Variants in RFWD3 observed in about 807,000 individuals in gnomAD.
RFWD3 encodes ring finger and WD repeat domain 3.
In RFWD3, 65 loss-of-function variants were observed where a neutral mutation model predicts 87.7. That is an observed-to-expected ratio of 0.74 (90% CI 0.61 to 0.91). The LOEUF (loss-of-function observed/expected upper bound fraction) is 0.91, where lower values mean the gene tolerates loss of function less well. Ranked by LOEUF, RFWD3 falls within the 40% of genes least tolerant of loss-of-function variation. The probability of loss-of-function intolerance (pLI) is 0.00; values close to 1 mark genes in which losing one functional copy is unlikely to be tolerated. For missense variants in RFWD3, 1,078 were observed against 938.5 expected, an observed-to-expected ratio of 1.15 and a Z score of -1.94; for synonymous variants, 433 against 352.8, an observed-to-expected ratio of 1.23 and a Z score of -2.55.
At position 74,624,006 on chromosome 16, in the gene RFWD3, G is replaced by A. The variant is rs374299152; in HGVS notation, c.2247C>T (p.Ile749=). ...DLQTDQPVLD[I]CPFEVNRNSY... ...TGTTACGGTTCACCTCAAATGGGCA[G>A]ATGTCCAACACAGGCTGATCGGTCT... The change falls in exon 13 of 13, where the codon ATC becomes ATT. Residue 749 remains isoleucine, a synonymous_variant. Transcript: ENST00000361070. The A allele has an allele frequency of 1.2e-5, 19 of 1,614,148 alleles. 2 individuals carry two copies. Among genetic ancestry groups the A allele is most frequent in the East Asian group, 2.2e-5 (1 of 44,876 alleles).
Position 74,623,780 on chromosome 16 carries a change from T to G in RFWD3, c.*148A>C. 3 of 759,700 alleles carry G rather than the reference T, an allele frequency of 3.9e-6. No individual in the cohort carries two copies. The highest frequency in any genetic ancestry group is 6.4e-6 in the Non-Finnish European group (3 of 470,184). The allele number at this position is 759,700 out of a possible 1,614,324, so 47.1% of individuals were successfully genotyped here. On this transcript the variant is annotated 3_prime_UTR_variant, in exon 13 of 13. Transcript: ENST00000361070. ...CACAATCTGTAGTGTCTCAGTGACC[T>G]AGGGTCCTAGAATCATACTAATGCA...
intron 12 of RFWD3, 113 bp from the exon 13 acceptor site, chr16:74,624,184 G>T: frequency 7.9e-7 from 1 of 1,260,632 alleles, no homozygotes; most frequent in Non-Finnish European, 1.1e-6. Flanking sequence ...TACCTGGAGA[G>T]CAAAGCAGGC....
chr16:74,624,440 G>A (rs1958861524), intron 12 of RFWD3, among the ~76,000 whole-genome samples: 1 of 152,136 alleles, frequency 6.6e-6, no homozygotes, highest in Non-Finnish European at 1.5e-5. Flanking sequence ...TTGTCACCCA[G>A]GCTGCAGTGC....
At chr16:74,637,353 T>G (rs993807471) in intron 7 of RFWD3, among the ~76,000 whole-genome samples, 4 of 152,134 alleles carry the variant, frequency 2.6e-5, no homozygotes, top group African/African-American at 9.7e-5. Flanking sequence ...TAAGGCCAGG[T>G]GCAGTGCTCA....
intron 3 of RFWD3, among the ~76,000 whole-genome samples, chr16:74,651,417 T>C (rs1406567542): frequency 2.6e-5 from 4 of 152,106 alleles, no homozygotes; most frequent in Admixed American, 1.3e-4. Context: ...CAGGAGTTTA[T>C]GACCAGCCGG....
intron 6 of RFWD3, among the ~76,000 whole-genome samples, chr16:74,638,774 A>C (rs1490842350): frequency 6.6e-6 from 1 of 152,232 alleles, no homozygotes; most frequent in Non-Finnish European, 1.5e-5. Context: ...TTTTAACAGC[A>C]ATCTAGAAAT....
Position 74,661,164 on chromosome 16 carries a change from G to C in RFWD3, c.286C>G (p.Pro96Ala). 2.5e-6 allele frequency: 4 copies of C among 1,614,206 alleles called. No homozygotes were observed. Among genetic ancestry groups the C allele is most frequent in the Non-Finnish European group, 3.4e-6 (4 of 1,180,046 alleles). Residue 96 changes from proline (P) to alanine (A), a missense_variant, in exon 2 of 13, where the codon CCA becomes GCA. Transcript: ENST00000361070. ...LGEDTVENIN[P>A]RTSEQHRQGS... is the part of the protein sequence containing the mutation. ...TGCCTATGTTGTTCTGAAGTTCTTG[G>C]ATTGATGTTCTCCACAGTGTCTTCT...
chr16:74,643,299 C>A (rs1959814353), intron 6 of RFWD3, among the ~76,000 whole-genome samples: 1 of 151,986 alleles, frequency 6.6e-6, no homozygotes, highest in Non-Finnish European at 1.5e-5. Flanking sequence ...TTCTAGTTCA[C>A]AAAAATGCAA....
intron 1 of RFWD3, among the ~76,000 whole-genome samples, chr16:74,662,182 T>C (rs1248226881): frequency 6.6e-6 from 1 of 152,164 alleles, no homozygotes; most frequent in Non-Finnish European, 1.5e-5. Flanking sequence ...AGGCTTCCTA[T>C]GTTGCCCAAA....
chr16:74,635,056 G>A (rs1479573808), intron 8 of RFWD3, among the ~76,000 whole-genome samples: 5 of 152,044 alleles, frequency 3.3e-5, no homozygotes, highest in African/African-American at 4.8e-5. Context: ...CGAGGCGGGC[G>A]GATCATGAGG....
rs572862498 is a variant in RFWD3, at chr16:74,624,899, G to C, written c.2182-828C>G. ...CCCAGCTACTCAAGAGGCTGAAGGA[G>C]GATTGCTTAAGCTGAGGAGTTTGAG... is the stretch of plus-strand genomic sequence containing the variant. On this transcript the variant is annotated intron_variant, in intron 12 of 12. Coordinates refer to ENST00000361070, the MANE Select transcript of RFWD3 (RefSeq NM_018124.4). 4.6e-5 allele frequency among the ~76,000 whole-genome samples: 7 copies of C among 152,254 alleles called. No homozygotes were observed. In the South Asian group the frequency reaches 1.4e-3, roughly 32 times the overall value.
chr16:74,648,444 C>T (rs1055888605), intron 4 of RFWD3, among the ~76,000 whole-genome samples: 1 of 151,240 alleles, frequency 6.6e-6, no homozygotes, highest in Non-Finnish European at 1.5e-5. Context: ...TGTAAGCCAC[C>T]GTGCCCAGCC....
At chr16:74,637,542 A>G (rs1298926687) in intron 7 of RFWD3, among the ~76,000 whole-genome samples, 1 of 152,130 alleles carries the variant, frequency 6.6e-6, no homozygotes, top group Admixed American at 6.6e-5. Context: ...CTGAGGCAGG[A>G]GAACCGCTTG....
chr16:74,652,337 A>C (rs1232426736), intron 2 of RFWD3, among the ~76,000 whole-genome samples: 2 of 151,910 alleles, frequency 1.3e-5, no homozygotes, highest in Non-Finnish European at 2.9e-5. Context: ...TTAGCCCACA[A>C]AGGAGCTTGA....
intron 4 of RFWD3, among the ~76,000 whole-genome samples, chr16:74,645,515 A>G (rs2144208843): frequency 6.6e-6 from 1 of 152,268 alleles, no homozygotes; most frequent in Admixed American, 6.5e-5. Flanking sequence ...ACTGTACCAA[A>G]TACTGTAGGC....
intron 8 of RFWD3, among the ~76,000 whole-genome samples, chr16:74,634,911 A>C (rs543646845): frequency 1.3e-5 from 2 of 152,048 alleles, no homozygotes; most frequent in East Asian, 3.9e-4. Flanking sequence ...GGAGGCTGAG[A>C]TGGGTGAATC....
rs1336165182 is a variant in RFWD3 at position 74,622,702 on chromosome 16, C to T, written c.*1226G>A. 6.6e-6 allele frequency: 1 copy of T among 152,106 alleles called. No homozygotes were observed. The highest frequency in any genetic ancestry group is 1.5e-5 in the Non-Finnish European group (1 of 68,014). The allele number at this position is 152,106 out of a possible 1,614,324, so 9.4% of individuals were successfully genotyped here. On this transcript the variant is annotated 3_prime_UTR_variant, in exon 13 of 13. Coordinates refer to ENST00000361070, the MANE Select transcript of RFWD3 (RefSeq NM_018124.4). ...AAGCCATTTTCTCCCATGAACAGGACACTGACCTGCCCACATCTTGAAGCA... is the reference window on the plus strand; with the variant it reads ...AAGCCATTTTCTCCCATGAACAGGATACTGACCTGCCCACATCTTGAAGCA...
At position 74,661,340 on chromosome 16, in the gene RFWD3, T is replaced by C. The variant is rs1340964229; in HGVS notation, c.110A>G (p.Gln37Arg). 14 of 1,614,012 alleles carry C rather than the reference T, an allele frequency of 8.7e-6. No individual in the cohort carries two copies. The East Asian group carries it at 2.9e-4, about 33-fold the overall frequency. ...GCTGACCACATCAGCAGGAACAGGC[T>C]GGAGGAGGGCTGGTCCCCCTTGGCT... The part of the protein sequence containing the change: ...ASSQGGPALL[Q>R]PVPADVVSSQ... Residue 37 changes from glutamine (Q) to arginine (R), a missense_variant, in exon 2 of 13, where the codon CAG becomes CGG. Gln to Arg is a conservative substitution (Grantham distance 43). Transcript: ENST00000361070.
chr16:74,627,962 G>A (rs1378125407), intron 11 of RFWD3, among the ~76,000 whole-genome samples: 1 of 152,226 alleles, frequency 6.6e-6, no homozygotes, highest in Non-Finnish European at 1.5e-5. Flanking sequence ...ATGAAGCACA[G>A]TCTGCTGTTA....
Sources: gnomAD v4.1 joint callset for allele counts (sites outside exome capture counted in the v4.1 genomes callset) on GRCh38, gnomAD v4.1.1 for gene constraint, MANE v1.5 for transcripts, NCBI Gene and HGNC (gene_info 2026-07-23, HGNC 2026-07-21) for gene names.